Variants in MCC observed in about 807,000 individuals in gnomAD.
MCC encodes the protein MCC regulator of Wnt signaling pathway.
MCC carries 90 observed loss-of-function variants against 116.2 expected under a neutral mutation model. That is an observed-to-expected ratio of 0.77 (90% confidence interval 0.65 to 0.92). The LOEUF (loss-of-function observed/expected upper bound fraction) is 0.92. MCC is among the 40% of genes least tolerant of loss of function. MCC has a pLI of 0.00. For missense variants in MCC, 1,516 were observed against 1,312.2 expected, an observed-to-expected ratio of 1.16 and a Z score of -2.40; for synonymous variants, 578 against 510.5, an observed-to-expected ratio of 1.13 and a Z score of -1.78.
intron 1 of MCC, among the ~76,000 whole-genome samples, chr5:113,422,720 C>CAGAGTG: frequency 6.6e-6 from 1 of 152,196 alleles, no homozygotes; most frequent in African/African-American, 2.4e-5. Flanking sequence ...ATGTAAGAGG[C>CAGAGTG]AGAGTGAGCT....
At chr5:113,126,740 G>A (rs1758074016) in intron 5 of MCC, among the ~76,000 whole-genome samples, 1 of 152,156 alleles carries the variant, frequency 6.6e-6, no homozygotes. Flanking sequence ...TTAATTGACT[G>A]CTTATGTTAT....
At chr5:113,284,313 C>T (rs73781507) in intron 3 of MCC, among the ~76,000 whole-genome samples, 4,230 of 152,276 alleles carry the variant, frequency 0.028, 206 homozygotes, top group African/African-American at 0.096. Flanking sequence ...TGTACTCCAG[C>T]CTGCAAAATG....
chr5:113,402,872 G>A (rs1263005595), intron 1 of MCC, among the ~76,000 whole-genome samples: 1 of 152,090 alleles, frequency 6.6e-6, no homozygotes, highest in East Asian at 1.9e-4. Context: ...ATAGTTCACT[G>A]CAGCCTTGAA....
Position 113,101,621 on chromosome 5 carries a change from G to A in MCC, c.1398+118C>T, listed in dbSNP as rs531837204. The A allele has an allele frequency of 2.9e-5, 29 of 1,008,372 alleles. 1 individual carries two copies. In the African/African-American group the frequency reaches 4.6e-4, roughly 16 times the overall value. The allele number at this position is 1,008,372 out of a possible 1,614,324, so 62.5% of individuals were successfully genotyped here. On this transcript the variant is annotated intron_variant, in intron 8 of 18. Coordinates refer to ENST00000408903, the MANE Select transcript of MCC (RefSeq NM_001085377.2). ...AGGACTTCATAACAGGAAAGAGACA[G>A]TGATTCCCAAAATTACAAATGCCAC...
intron 6 of MCC, among the ~76,000 whole-genome samples, chr5:113,121,905 T>C (rs13328205): frequency 0.13 from 19,803 of 151,774 alleles, 1,959 homozygotes; most frequent in African/African-American, 0.27. Flanking sequence ...GCCTCTTCCC[T>C]CAACCTCGAT....
At chr5:113,456,919 C>A (rs904280627) in intron 1 of MCC, among the ~76,000 whole-genome samples, 9 of 152,168 alleles carry the variant, frequency 5.9e-5, no homozygotes, top group African/African-American at 2.2e-4. Context: ...TGCCTAACCT[C>A]TATCTCAAGG....
At chr5:113,290,977 T>C (rs1019945413) in intron 3 of MCC, among the ~76,000 whole-genome samples, 1 of 152,244 alleles carries the variant, frequency 6.6e-6, no homozygotes, top group South Asian at 2.1e-4. Flanking sequence ...CTGTTGTTAC[T>C]GCTATGAATT....
intron 3 of MCC, among the ~76,000 whole-genome samples, chr5:113,218,846 A>G (rs111642689): frequency 0.019 from 2,821 of 151,634 alleles, 93 homozygotes; most frequent in African/African-American, 0.065. Context: ...AAAGATGTAA[A>G]TTAATAACTA....
chr5:113,149,548 G>A (rs1561403872), intron 4 of MCC, among the ~76,000 whole-genome samples: 1 of 152,130 alleles, frequency 6.6e-6, no homozygotes, highest in Non-Finnish European at 1.5e-5. Flanking sequence ...AAATGTGAAA[G>A]TGGATGATCT....
intron 1 of MCC, among the ~76,000 whole-genome samples, chr5:113,452,727 G>A (rs1272506886): frequency 6.6e-6 from 1 of 152,222 alleles, no homozygotes; most frequent in African/African-American, 2.4e-5. Context: ...AACTCAGAAA[G>A]ATCAGTGATA....
In MCC at chr5:113,064,245, ACT is replaced by A. The variant is rs1753435722; in HGVS notation, c.2030-80_2030-79del. On this transcript the variant is annotated intron_variant, in intron 13 of 18. Coordinates refer to ENST00000408903, the MANE Select transcript of MCC (RefSeq NM_001085377.2). ...GCCTGGGAGGGACTATGCATAATTA[ACT>A]CTGTTACTTAGGGCAGAGGTGGCAC... The A allele has an allele frequency of 9.8e-6, 13 of 1,324,554 alleles. No homozygotes were observed. In the South Asian group the frequency reaches 1.6e-4, roughly 16 times the overall value. The allele number at this position is 1,324,554 out of a possible 1,614,324, so 82.1% of individuals were successfully genotyped here. A position where few individuals can be genotyped will look rare whatever the true frequency, so the allele number is the denominator to read the frequency against.
At chr5:113,433,726 C>T (rs372559809) in intron 1 of MCC, 37 of 1,604,420 alleles carry the variant, frequency 2.3e-5, no homozygotes, top group South Asian at 1.2e-4. Flanking sequence ...TTCCCTGGGC[C>T]GCAAGAAGCT....
intron 5 of MCC, among the ~76,000 whole-genome samples, chr5:113,133,222 A>G (rs933445048): frequency 6.6e-6 from 1 of 152,078 alleles, no homozygotes; most frequent in African/African-American, 2.4e-5. Flanking sequence ...ATTATCAAAC[A>G]CTAGGTCTTA....
At chr5:113,099,678 T>TG (rs1554118632) in intron 8 of MCC, among the ~76,000 whole-genome samples, 1 of 152,248 alleles carries the variant, frequency 6.6e-6, no homozygotes, top group Non-Finnish European at 1.5e-5. Context: ...CCAGGCAATC[T>TG]GGCTCCAGAG....
chr5:113,401,956 C>A (rs1435316554), intron 1 of MCC, among the ~76,000 whole-genome samples: 1 of 151,914 alleles, frequency 6.6e-6, no homozygotes, highest in Non-Finnish European at 1.5e-5. Flanking sequence ...CTCAAGCGAT[C>A]CTCCTGCCTC....
intron 3 of MCC, among the ~76,000 whole-genome samples, chr5:113,167,961 CA>C (rs1263639954): frequency 1.3e-5 from 2 of 152,230 alleles, no homozygotes; most frequent in African/African-American, 2.4e-5. Flanking sequence ...CAAAATTATT[CA>C]AAAATTGCCT....
intron 16 of MCC, 132 bp downstream of exon 16, chr5:113,048,961 A>G: frequency 2.5e-6 from 2 of 801,172 alleles, no homozygotes; most frequent in Non-Finnish European, 2.1e-6. Context: ...TTAGATACCT[A>G]CGAATGGCCT....
chr5:113,465,315 TG>T (rs1176019093), intron 1 of MCC, among the ~76,000 whole-genome samples: 1 of 151,996 alleles, frequency 6.6e-6, no homozygotes, highest in East Asian at 1.9e-4. Flanking sequence ...GTAGGAAAAA[TG>T]GTTAACCATT....
intron 2 of MCC, among the ~76,000 whole-genome samples, chr5:113,349,952 T>C (rs1768226815): frequency 6.6e-6 from 1 of 151,772 alleles, no homozygotes; most frequent in African/African-American, 2.4e-5. Flanking sequence ...TAGTTACAAA[T>C]AAAATTAAAT....
Sources: gnomAD v4.1 joint callset for allele counts (sites outside exome capture counted in the v4.1 genomes callset) on GRCh38, gnomAD v4.1.1 for gene constraint, MANE v1.5 for transcripts, NCBI Gene and HGNC (gene_info 2026-07-23, HGNC 2026-07-21) for gene names.